Variants in CCDC171 observed in about 807,000 individuals in gnomAD.
CCDC171 encodes coiled-coil domain-containing protein 171.
In CCDC171, 177 loss-of-function variants were observed where a neutral mutation model predicts 168.2. The observed-to-expected ratio is 1.05, with a 90% CI of 0.93 to 1.19. The LOEUF is 1.19. CCDC171 is among the 50% of genes most tolerant of loss of function. The probability of loss-of-function intolerance (pLI) is 0.00; values close to 1 mark genes in which losing one functional copy is unlikely to be tolerated. For synonymous variants in CCDC171, 687 were observed against 540.8 expected (o/e 1.27, Z -3.75); for missense variants, 1,991 against 1,539.0 (o/e 1.29, Z -4.91).
chr9:15,905,114 G>A (rs926755039), intron 24 of CCDC171, among the ~76,000 whole-genome samples: 101 of 152,242 alleles, frequency 6.6e-4, no homozygotes, highest in Non-Finnish European at 1.2e-3. Flanking sequence ...ACAGATCAAC[G>A]AGACAGAAAG....
rs77107060 is a variant in CCDC171 at position 15,608,919 on chromosome 9, C to T, written c.676-14348C>T. Among the ~76,000 whole-genome samples the T allele has an allele frequency of 5.5e-4, 64 of 115,758 alleles. No homozygotes were observed. The East Asian group carries it at 0.016, about 29-fold the overall frequency. The allele number at this position is 115,758 out of a possible 152,430, so 75.9% of individuals were successfully genotyped here. ...GCTGCATTGTCCTATGATCACAGCC[C>T]GGGCTACAGAGCAAGACCCTGTCTC... On this transcript the variant is annotated intron_variant, in intron 6 of 25. Transcript: ENST00000380701.
In CCDC171 at chr9:15,626,237, A is replaced by G. The variant is rs182545161; in HGVS notation, c.822+2824A>G. On this transcript the variant is annotated intron_variant, in intron 7 of 25. Coordinates refer to ENST00000380701, the MANE Select transcript of CCDC171 (RefSeq NM_173550.4). Reference sequence around the variant, plus strand: ...TGGGCTGAGACGATGGGGTTTTCTAAATATACAATCACGTCATCTGAAAAT... The same window carrying G: ...TGGGCTGAGACGATGGGGTTTTCTAGATATACAATCACGTCATCTGAAAAT... Among the ~76,000 whole-genome samples, 8 of 152,250 alleles carry G rather than the reference A, an allele frequency of 5.3e-5. No individual in the cohort carries two copies. The East Asian group carries it at 7.7e-4, about 15-fold the overall frequency.
chr9:15,923,663 C>T (rs1406201946), intron 25 of CCDC171, among the ~76,000 whole-genome samples: 10 of 151,296 alleles, frequency 6.6e-5, no homozygotes, highest in East Asian at 1.9e-4. Flanking sequence ...ACCATAAAAA[C>T]GATACCTATG....
At chr9:15,975,391 A>G (rs1268570693), downstream of CCDC171, among the ~76,000 whole-genome samples, 4 of 152,292 alleles carry the variant, frequency 2.6e-5, no homozygotes, top group East Asian at 1.9e-4. Flanking sequence ...ATTTTTTTTA[A>G]TTGTCCTGAC....
intron 25 of CCDC171, among the ~76,000 whole-genome samples, chr9:15,926,063 A>C (rs1208091076): frequency 1.5e-5 from 2 of 130,998 alleles, no homozygotes; most frequent in Non-Finnish European, 3.5e-5. Context: ...AAAAATAGGC[A>C]TATAAAAAAA....
intron 22 of CCDC171, among the ~76,000 whole-genome samples, 173 bp downstream of exon 22, chr9:15,847,020 A>G (rs764418878): frequency 1.6e-4 from 24 of 152,118 alleles, no homozygotes; most frequent in South Asian, 4.1e-4. Context: ...AACATACTAA[A>G]TGTATATTTT....
chr9:15,947,704 A>G (rs905225302), intron 25 of CCDC171, among the ~76,000 whole-genome samples: 3 of 151,922 alleles, frequency 2.0e-5, no homozygotes, highest in South Asian at 2.1e-4. Flanking sequence ...CCTACTTTCA[A>G]TTCTTTCAGG....
chr9:15,883,373 A>G (rs1350376298), intron 24 of CCDC171, among the ~76,000 whole-genome samples: 3 of 152,000 alleles, frequency 2.0e-5, no homozygotes, highest in Admixed American at 6.6e-5. Flanking sequence ...TTATTTTAAA[A>G]GATTTATTGT....
chr9:16,090,575 G>T, the CCDC171 span, among the ~76,000 whole-genome samples: 595 of 152,208 alleles, frequency 3.9e-3, 2 homozygotes, highest in Non-Finnish European at 5.4e-3. Context: ...TTTAAAAAAT[G>T]CTCTTTTAGC....
At chr9:15,707,439 G>GT (rs1199572138) in intron 11 of CCDC171, among the ~76,000 whole-genome samples, 1 of 152,162 alleles carries the variant, frequency 6.6e-6, no homozygotes, top group Non-Finnish European at 1.5e-5. Context: ...TCTATTCAGA[G>GT]TATGTTAAAG....
chr9:16,070,620 C>A, the CCDC171 span, among the ~76,000 whole-genome samples: 1 of 152,172 alleles, frequency 6.6e-6, no homozygotes, highest in Non-Finnish European at 1.5e-5. Context: ...GTGTGACTGT[C>A]TTCAGACTCA....
At chr9:15,953,984 A>G (rs954508167) in intron 25 of CCDC171, among the ~76,000 whole-genome samples, 3 of 151,934 alleles carry the variant, frequency 2.0e-5, no homozygotes, top group African/African-American at 7.2e-5. Context: ...TACTCTTACA[A>G]TCCCTTTTTT....
At chr9:15,748,316 G>A (rs1306874077) in intron 18 of CCDC171, among the ~76,000 whole-genome samples, 1 of 152,182 alleles carries the variant, frequency 6.6e-6, no homozygotes. Context: ...AGAAATAGGG[G>A]ATTATGTGAA....
intron 21 of CCDC171, among the ~76,000 whole-genome samples, chr9:15,845,945 G>C (rs1464684618): frequency 6.6e-6 from 1 of 152,006 alleles, no homozygotes; most frequent in East Asian, 1.9e-4. Context: ...TGAAATTTTT[G>C]TGTTAAGTAA....
At chr9:15,847,368 T>C (rs538695928) in intron 22 of CCDC171, among the ~76,000 whole-genome samples, 1 of 152,214 alleles carries the variant, frequency 6.6e-6, no homozygotes, top group East Asian at 1.9e-4. Flanking sequence ...AGCTGTATAT[T>C]CTAATATTTT....
chr9:15,669,128 T>C (rs1200438964), intron 9 of CCDC171, among the ~76,000 whole-genome samples: 1 of 152,120 alleles, frequency 6.6e-6, no homozygotes, highest in African/African-American at 2.4e-5. Context: ...GAAAAAAAGC[T>C]GTGTGTATAT....
intron 10 of CCDC171, among the ~76,000 whole-genome samples, chr9:15,693,384 T>A (rs979548973): frequency 6.6e-6 from 1 of 152,068 alleles, no homozygotes; most frequent in Non-Finnish European, 1.5e-5. Flanking sequence ...TTTCTGTTGA[T>A]AACATGCTAT....
chr9:15,867,006 A>T (rs2061817075), intron 23 of CCDC171, among the ~76,000 whole-genome samples: 1 of 152,028 alleles, frequency 6.6e-6, no homozygotes, highest in African/African-American at 2.4e-5. Flanking sequence ...TTATTTGATT[A>T]CTAAAAATAG....
intron 21 of CCDC171, among the ~76,000 whole-genome samples, chr9:15,828,786 A>T (rs925393386): frequency 6.6e-6 from 1 of 152,192 alleles, no homozygotes; most frequent in African/African-American, 2.4e-5. Context: ...TGTTTTTTCA[A>T]ACTGGAATGA....
Sources: allele counts gnomAD v4.1 joint callset (sites outside exome capture counted in the v4.1 genomes callset), GRCh38; gene constraint gnomAD v4.1.1; transcripts MANE v1.5; gene names NCBI Gene and HGNC (gene_info 2026-07-23, HGNC 2026-07-21).